The following CELF4 variants were observed in gnomAD, a reference collection of about 807,000 sequenced individuals.
CELF4 encodes the protein CUGBP Elav-like family member 4.
Under a neutral mutation model 59.9 loss-of-function variants are expected in CELF4, and 18 were observed. That is an observed-to-expected ratio of 0.30 (90% CI 0.21 to 0.45). CELF4 has a LOEUF of 0.45. Among genes scored for constraint, CELF4 ranks in the 20% least tolerant of loss-of-function variants. The pLI is 1.00. For synonymous variants in CELF4, 261 were observed against 267.1 expected, an observed-to-expected ratio of 0.98 and a Z score of 0.22; for missense variants, 456 against 689.0, an observed-to-expected ratio of 0.66 and a Z score of 3.79.
At chr18:37,555,976 G>T (rs1382193622) in intron 1 of CELF4, among the ~76,000 whole-genome samples, 1 of 152,168 alleles carries the variant, frequency 6.6e-6, no homozygotes, top group African/African-American at 2.4e-5. Context: ...GAGTGTGTGT[G>T]TGTGAGTCTG....
chr18:37,443,405 C>T (rs2099738656), intron 2 of CELF4, among the ~76,000 whole-genome samples: 2 of 152,136 alleles, frequency 1.3e-5, no homozygotes, highest in African/African-American at 4.8e-5. Flanking sequence ...TTCTAGCACA[C>T]TCCCTCTGCA....
intron 1 of CELF4, among the ~76,000 whole-genome samples, chr18:37,510,520 A>C (rs752927554): frequency 2.8e-4 from 42 of 152,194 alleles, no homozygotes; most frequent in Non-Finnish European, 5.6e-4. Context: ...AACCCTGTGC[A>C]ATCCGTCTCT....
chr18:37,311,694 CAGG>C (rs2096654304), intron 3 of CELF4, among the ~76,000 whole-genome samples: 1 of 148,910 alleles, frequency 6.7e-6, no homozygotes, highest in Non-Finnish European at 1.5e-5. Context: ...AAGGCTGAGG[CAGG>C]AGAATTGCTT....
At chr18:37,431,280 T>G (rs2099654818) in intron 2 of CELF4, among the ~76,000 whole-genome samples, 1 of 152,010 alleles carries the variant, frequency 6.6e-6, no homozygotes, top group South Asian at 2.1e-4. Context: ...TCTTATCATC[T>G]CATCTTCTTT....
intron 11 of CELF4, among the ~76,000 whole-genome samples, chr18:37,257,806 G>C (rs1436707931): frequency 6.6e-6 from 1 of 152,092 alleles, no homozygotes; most frequent in Admixed American, 6.5e-5. Flanking sequence ...GTGGCTCTCT[G>C]GGGACTGGAC....
At chr18:37,320,267 C>T (rs1473337835) in intron 3 of CELF4, among the ~76,000 whole-genome samples, 10 of 134,916 alleles carry the variant, frequency 7.4e-5, no homozygotes, top group Non-Finnish European at 3.1e-5. Context: ...ACCCGGGAGG[C>T]GGAGCTTGCA....
intron 1 of CELF4, among the ~76,000 whole-genome samples, chr18:37,539,145 C>A (rs556534532): frequency 6.6e-6 from 1 of 152,232 alleles, no homozygotes; most frequent in Non-Finnish European, 1.5e-5. Context: ...CTCTTGGAAA[C>A]GACAGTAACA....
At chr18:37,550,805 A>G (rs779457501) in intron 1 of CELF4, among the ~76,000 whole-genome samples, 7 of 152,226 alleles carry the variant, frequency 4.6e-5, no homozygotes, top group Non-Finnish European at 1.0e-4. Context: ...GGCCTGTGCC[A>G]GAAAATTCCC....
intron 1 of CELF4, among the ~76,000 whole-genome samples, chr18:37,539,458 CACACACACACACAA>C (rs1163566169): frequency 1.8e-5 from 2 of 112,708 alleles, no homozygotes; most frequent in African/African-American, 4.3e-5. Context: ...GACACACACA[CACACACACACACAA>C]ACACACACAC....
intron 2 of CELF4, among the ~76,000 whole-genome samples, chr18:37,384,898 T>C (rs898590073): frequency 6.6e-6 from 1 of 152,214 alleles, no homozygotes; most frequent in East Asian, 1.9e-4. Context: ...CCCTCCTCAG[T>C]GGACTCATAT....
At chr18:37,412,915 G>A (rs571923468) in intron 2 of CELF4, among the ~76,000 whole-genome samples, 1 of 152,168 alleles carries the variant, frequency 6.6e-6, no homozygotes, top group South Asian at 2.1e-4. Context: ...TGGTGAATTG[G>A]GTCAGAACTC....
chr18:37,343,042 G>A (rs2098115490), intron 2 of CELF4, among the ~76,000 whole-genome samples: 1 of 152,194 alleles, frequency 6.6e-6, no homozygotes, highest in Non-Finnish European at 1.5e-5. Flanking sequence ...AGGTAGATGT[G>A]GGAGCTGGAA....
intron 1 of CELF4, among the ~76,000 whole-genome samples, chr18:37,533,643 A>T (rs757856985): frequency 1.3e-5 from 2 of 152,248 alleles, no homozygotes; most frequent in Non-Finnish European, 2.9e-5. Flanking sequence ...ATTTCAAATA[A>T]GATTCATTGT....
chr18:37,558,565 T>TGGGGG (rs372382156), intron 1 of CELF4, among the ~76,000 whole-genome samples: 2 of 77,498 alleles, frequency 2.6e-5, no homozygotes, highest in East Asian at 4.7e-4. Context: ...GGGGGGCGGG[T>TGGGGG]GGGGGGGGCT....
At chr18:37,307,330 C>T (rs1314544815) in intron 3 of CELF4, among the ~76,000 whole-genome samples, 1 of 152,180 alleles carries the variant, frequency 6.6e-6, no homozygotes, top group African/African-American at 2.4e-5. Context: ...GAGCCTGTGT[C>T]ACTCAGCGAA....
At chr18:37,364,901 A>G (rs1379032074) in intron 2 of CELF4, among the ~76,000 whole-genome samples, 2 of 152,130 alleles carry the variant, frequency 1.3e-5, no homozygotes, top group African/African-American at 4.8e-5. Context: ...GGAGCTCAAG[A>G]CGGGCAGACA....
At chr18:37,503,020 C>T (rs1433311724) in intron 1 of CELF4, among the ~76,000 whole-genome samples, 1 of 152,238 alleles carries the variant, frequency 6.6e-6, no homozygotes, top group Non-Finnish European at 1.5e-5. Context: ...CATCATCACA[C>T]ATCTGTGAGC....
intron 1 of CELF4, among the ~76,000 whole-genome samples, chr18:37,548,205 A>T (rs1847169525): frequency 6.6e-6 from 1 of 152,154 alleles, no homozygotes; most frequent in Non-Finnish European, 1.5e-5. Flanking sequence ...TTAAGAAAAC[A>T]TTAGCCAGTA....
intron 2 of CELF4, among the ~76,000 whole-genome samples, chr18:37,453,564 C>A (rs2099770003): frequency 6.6e-6 from 1 of 152,168 alleles, no homozygotes; most frequent in Admixed American, 6.5e-5. Flanking sequence ...AAAAAGCCGA[C>A]CCTTGAACTG....
Sources: allele counts gnomAD v4.1 joint callset (sites outside exome capture counted in the v4.1 genomes callset), GRCh38; gene constraint gnomAD v4.1.1; transcripts MANE v1.5; gene names NCBI Gene and HGNC (gene_info 2026-07-23, HGNC 2026-07-21).